Variants in GNG2 observed in about 807,000 individuals in gnomAD.
GNG2 encodes the protein guanine nucleotide-binding protein G(I)/G(S)/G(O) subunit gamma-2.
GNG2 carries 5 observed loss-of-function variants against 5.5 expected under a neutral mutation model. The observed-to-expected ratio is 0.91, with a 90% confidence interval of 0.48 to 1.92. The LOEUF (loss-of-function observed/expected upper bound fraction) is 1.92, where lower values mean the gene tolerates loss of function less well. Among genes scored for constraint, GNG2 ranks in the 30% most tolerant of loss-of-function variants. The pLI is 0.01. For synonymous variants in GNG2, 28 were observed against 32.0 expected (o/e 0.88, Z 0.42); for missense variants, 55 against 88.4 (o/e 0.62, Z 1.52).
At chr14:51,922,209 AAG>A (rs35495615) in intron 2 of GNG2, among the ~76,000 whole-genome samples, 5,468 of 152,104 alleles carry the variant, frequency 0.036, 95 homozygotes, top group African/African-American at 0.043. Context: ...TTTCTTATAA[AAG>A]AGAGAGAAAC....
chr14:51,913,186 A>G (rs1158973897), intron 2 of GNG2: 1 of 152,056 alleles, frequency 6.6e-6, no homozygotes, highest in African/African-American at 2.4e-5. Context: ...ATGTTTTTTA[A>G]AAGTTAATAA....
At chr14:51,871,990 A>C (rs1002937404) in intron 1 of GNG2, among the ~76,000 whole-genome samples, 2 of 152,222 alleles carry the variant, frequency 1.3e-5, no homozygotes, top group Admixed American at 6.5e-5. Flanking sequence ...AGTGAGGTGC[A>C]TCACTTCCTG....
intron 2 of GNG2, among the ~76,000 whole-genome samples, chr14:51,907,081 G>A (rs765496510): frequency 6.6e-6 from 1 of 152,164 alleles, no homozygotes; most frequent in Non-Finnish European, 1.5e-5. Flanking sequence ...CAGGGACTCC[G>A]TGACTTTATC....
intron 2 of GNG2, among the ~76,000 whole-genome samples, chr14:51,855,408 C>A (rs1882110686): frequency 6.6e-6 from 1 of 152,190 alleles, no homozygotes; most frequent in Non-Finnish European, 1.5e-5. Context: ...ATTCAGTCTT[C>A]TTGGCTCCTA....
chr14:51,828,909 C>G (rs78526486), intron 2 of GNG2, among the ~76,000 whole-genome samples: 5 of 152,122 alleles, frequency 3.3e-5, no homozygotes, highest in Non-Finnish European at 7.4e-5. Context: ...GATGTGCAGA[C>G]GTGACAGGCC....
chr14:51,945,788 A>ATG (rs35088349), intron 2 of GNG2, among the ~76,000 whole-genome samples: 15,695 of 149,984 alleles, frequency 0.1, 1,518 homozygotes, highest in East Asian at 0.28. Context: ...GTGTATGTGT[A>ATG]TGTGTGTGTG....
intron 2 of GNG2, among the ~76,000 whole-genome samples, chr14:51,841,084 T>G (rs1036783308): frequency 6.6e-6 from 1 of 152,206 alleles, no homozygotes; most frequent in Admixed American, 6.5e-5. Flanking sequence ...ATTGGTCAGT[T>G]TAGCAAGTAA....
chr14:51,917,129 T>C (rs1490337347), intron 2 of GNG2, among the ~76,000 whole-genome samples: 9 of 152,158 alleles, frequency 5.9e-5, no homozygotes, highest in African/African-American at 2.2e-4. Context: ...TTCCCTAAAC[T>C]TTTGGTAGCC....
chr14:51,850,084 A>T (rs1881836447), intron 2 of GNG2, among the ~76,000 whole-genome samples: 1 of 152,210 alleles, frequency 6.6e-6, no homozygotes, highest in African/African-American at 2.4e-5. Flanking sequence ...GACTAATACT[A>T]ATCACGGAAT....
At chr14:51,836,846 G>C (rs1455762112) in intron 2 of GNG2, among the ~76,000 whole-genome samples, 1 of 142,836 alleles carries the variant, frequency 7.0e-6, no homozygotes, top group Non-Finnish European at 1.5e-5. Context: ...ATGATTTTAA[G>C]TGACTTCATC....
chr14:51,841,405 A>G, intron 2 of GNG2: 1 of 560,180 alleles, frequency 1.8e-6, no homozygotes, highest in Admixed American at 3.0e-5. Flanking sequence ...CACCAAACAA[A>G]CAAACAAACA....
Position 51,905,713 on chromosome 14 carries a change from A to G in GNG2, c.-30+28056A>G, listed in dbSNP as rs761977994. Among the ~76,000 whole-genome samples the G allele has an allele frequency of 9.2e-5, 14 of 152,164 alleles. No individual in the cohort carries two copies. In the South Asian group the frequency reaches 2.1e-3, roughly 23 times the overall value. ...CTCATCTTGAGTTGTAGTTCCCATAATCCCCACGTGTTGTGGGAGGGACCA... is the reference window on the plus strand; with the variant it reads ...CTCATCTTGAGTTGTAGTTCCCATAGTCCCCACGTGTTGTGGGAGGGACCA... On this transcript the variant is annotated intron_variant, in intron 2 of 3. Coordinates refer to ENST00000556766, the MANE Select transcript of GNG2 (RefSeq NM_053064.5).
chr14:51,858,479 T>A (rs1882265322), upstream of GNG2, among the ~76,000 whole-genome samples: 2 of 152,168 alleles, frequency 1.3e-5, no homozygotes, highest in South Asian at 4.1e-4. Context: ...CTATATAGGC[T>A]TAAGTATAAA....
intron 2 of GNG2, among the ~76,000 whole-genome samples, chr14:51,829,247 G>C (rs4624087): frequency 0.4 from 61,219 of 151,860 alleles, 12,618 homozygotes; most frequent in Non-Finnish European, 0.43. Flanking sequence ...ACCATCCACA[G>C]CAGCACCTTC....
At chr14:51,935,336 C>T (rs1887928638) in intron 2 of GNG2, among the ~76,000 whole-genome samples, 1 of 152,164 alleles carries the variant, frequency 6.6e-6, no homozygotes, top group Non-Finnish European at 1.5e-5. Flanking sequence ...AGCCCAGTTT[C>T]TTTAAGCTTA....
At chr14:51,886,032 T>C (rs943983019) in intron 2 of GNG2, among the ~76,000 whole-genome samples, 10 of 152,356 alleles carry the variant, frequency 6.6e-5, no homozygotes, top group African/African-American at 2.4e-4. Context: ...AAAGCTTAGA[T>C]TTGCCATTTA....
rs1890102169 is a variant in GNG2, at chr14:51,969,469, A to G, written c.*2782A>G. 6.6e-6 allele frequency: 1 copy of G among 152,252 alleles called. No individual in the cohort carries two copies. The highest frequency in any genetic ancestry group is 2.4e-5 in the African/African-American group (1 of 41,466). 9.4% of individuals were successfully genotyped at this position (152,252 alleles called of 1,614,324 possible). ...ACCAAGGACAAAACAATAAATTTAAAAATCAAACGATTTCTCCATACGCTC... is the reference window on the plus strand; with the variant it reads ...ACCAAGGACAAAACAATAAATTTAAGAATCAAACGATTTCTCCATACGCTC... On this transcript the variant is annotated 3_prime_UTR_variant, in exon 4 of 4. Coordinates refer to ENST00000556766, the MANE Select transcript of GNG2 (RefSeq NM_053064.5).
At position 51,919,464 on chromosome 14, in the gene GNG2, G is replaced by A. The variant is rs1219414557; in HGVS notation, c.-29-31186G>A. 2.0e-5 allele frequency among the ~76,000 whole-genome samples: 3 copies of A among 152,252 alleles called. No individual in the cohort carries two copies. The East Asian group carries it at 5.8e-4, about 29-fold the overall frequency. On this transcript the variant is annotated intron_variant, in intron 2 of 3. Coordinates refer to ENST00000556766, the MANE Select transcript of GNG2 (RefSeq NM_053064.5). Reference sequence around the variant, plus strand: ...TTGTTTTATCTAGCCTTTCAAGCAGGTCCCCAGAAGAAGTGTTTTGTAGCA... The same window carrying A: ...TTGTTTTATCTAGCCTTTCAAGCAGATCCCCAGAAGAAGTGTTTTGTAGCA...
intron 3 of GNG2, among the ~76,000 whole-genome samples, chr14:51,963,471 A>G (rs1889730296): frequency 6.6e-6 from 1 of 152,228 alleles, no homozygotes; most frequent in South Asian, 2.1e-4. Context: ...AACAATGACT[A>G]TCGCTCAAAC....
Sources: gnomAD v4.1 joint callset for allele counts (sites outside exome capture counted in the v4.1 genomes callset) on GRCh38, gnomAD v4.1.1 for gene constraint, MANE v1.5 for transcripts, NCBI Gene and HGNC (gene_info 2026-07-23, HGNC 2026-07-21) for gene names.